Variants in SND1 observed in about 807,000 individuals in gnomAD.
SND1 encodes the protein staphylococcal nuclease domain-containing protein 1.
SND1 carries 38 observed loss-of-function variants against 121.7 expected under a neutral mutation model. That is an observed-to-expected ratio of 0.31 (90% CI 0.24 to 0.41). The LOEUF is 0.41. Among genes scored for constraint, SND1 ranks in the 10% least tolerant of loss-of-function variants. The pLI, the probability that SND1 is intolerant of heterozygous loss-of-function variation, is 1.00. For synonymous variants in SND1, 401 were observed against 447.4 expected (o/e 0.90, Z 1.31); for missense variants, 868 against 1,184.6 (o/e 0.73, Z 3.92).
At chr7:127,923,986 CTT>C (rs60504299) in intron 14 of SND1, among the ~76,000 whole-genome samples, 20 of 147,044 alleles carry the variant, frequency 1.4e-4, no homozygotes, top group South Asian at 2.2e-4. Context: ...GATCTCCACA[CTT>C]TTTTTTTTTT....
At chr7:127,987,030 C>T (rs1407098612) in intron 15 of SND1, among the ~76,000 whole-genome samples, 1 of 152,224 alleles carries the variant, frequency 6.6e-6, no homozygotes, top group South Asian at 2.1e-4. Flanking sequence ...GTTAATATAT[C>T]TTTATCAGCA....
At chr7:127,696,661 C>A (rs779054310) in intron 3 of SND1, among the ~76,000 whole-genome samples, 3 of 152,218 alleles carry the variant, frequency 2.0e-5, no homozygotes, top group African/African-American at 7.2e-5. Flanking sequence ...ATGTAGAGCA[C>A]CCCTAAGAGT....
At chr7:127,846,168 C>CT (rs1395516767) in intron 12 of SND1, among the ~76,000 whole-genome samples, 2 of 152,198 alleles carry the variant, frequency 1.3e-5, no homozygotes, top group Non-Finnish European at 2.9e-5. Context: ...CCTACAATAT[C>CT]TATACTCCAG....
intron 10 of SND1, among the ~76,000 whole-genome samples, chr7:127,781,550 A>G (rs1390130675): frequency 6.6e-6 from 1 of 150,848 alleles, no homozygotes; most frequent in Non-Finnish European, 1.5e-5. Flanking sequence ...GCTCCATAGG[A>G]GTTAAGAAAG....
intron 15 of SND1, among the ~76,000 whole-genome samples, chr7:127,974,206 A>G (rs1010243064): frequency 6.6e-6 from 1 of 152,240 alleles, no homozygotes; most frequent in African/African-American, 2.4e-5. Context: ...TTTAAACCAC[A>G]TCACTCATCC....
At chr7:127,922,917 G>T (rs968942446) in intron 14 of SND1, among the ~76,000 whole-genome samples, 1 of 152,190 alleles carries the variant, frequency 6.6e-6, no homozygotes, top group Non-Finnish European at 1.5e-5. Flanking sequence ...GTTCAACATG[G>T]TGCAGGCCTG....
intron 16 of SND1, among the ~76,000 whole-genome samples, chr7:128,012,762 C>T (rs1803143281): frequency 6.6e-6 from 1 of 152,192 alleles, no homozygotes; most frequent in Non-Finnish European, 1.5e-5. Context: ...GCTCAGGACC[C>T]TAGCTGAGCA....
intron 16 of SND1, among the ~76,000 whole-genome samples, chr7:128,009,442 A>C (rs1469182146): frequency 1.3e-5 from 2 of 152,230 alleles, no homozygotes; most frequent in African/African-American, 4.8e-5. Context: ...CAAGAGATGG[A>C]AAAAGACAAC....
intron 16 of SND1, among the ~76,000 whole-genome samples, chr7:128,033,028 GGCCGGAGTCGCCCCTT>G (rs1342484244): frequency 2.0e-5 from 3 of 152,182 alleles, no homozygotes; most frequent in Non-Finnish European, 4.4e-5. Flanking sequence ...AGTCTTCGCT[GGCCGGAGTCGCCCCTT>G]GCTCCCCGCT....
chr7:127,754,273 A>G (rs928444636), intron 10 of SND1, among the ~76,000 whole-genome samples: 1 of 152,192 alleles, frequency 6.6e-6, no homozygotes, highest in Admixed American at 6.5e-5. Context: ...GTGGGCCATC[A>G]TGCTTTGAGA....
intron 10 of SND1, among the ~76,000 whole-genome samples, chr7:127,773,540 G>GA (rs975150644): frequency 2.5e-4 from 37 of 147,552 alleles, no homozygotes; most frequent in Admixed American, 6.1e-4. Context: ...TTGAAATTAG[G>GA]AAAAAAAAAA....
intron 16 of SND1, among the ~76,000 whole-genome samples, chr7:127,992,723 C>A (rs1355310628): frequency 6.6e-6 from 1 of 152,178 alleles, no homozygotes; most frequent in African/African-American, 2.4e-5. Flanking sequence ...TTCCCAACCA[C>A]CTTTCTTCCT....
intron 10 of SND1, among the ~76,000 whole-genome samples, chr7:127,760,557 T>C (rs1325185085): frequency 6.6e-6 from 1 of 152,252 alleles, no homozygotes; most frequent in African/African-American, 2.4e-5. Context: ...TGAACTTTCC[T>C]AGCTTTGCCT....
At chr7:127,708,021 G>A (rs1796231635) in intron 9 of SND1, among the ~76,000 whole-genome samples, 1 of 152,086 alleles carries the variant, frequency 6.6e-6, no homozygotes, top group South Asian at 2.1e-4. Context: ...TTACAGTGGT[G>A]TGAAAGCAAT....
At chr7:127,797,176 AGCC>A (rs1798043943) in intron 10 of SND1, among the ~76,000 whole-genome samples, 1 of 152,088 alleles carries the variant, frequency 6.6e-6, no homozygotes, top group East Asian at 1.9e-4. Flanking sequence ...TACAGGTGTG[AGCC>A]GCTGTGCCCG....
intron 1 of SND1, among the ~76,000 whole-genome samples, chr7:127,655,346 A>G (rs1174018351): frequency 1.3e-5 from 2 of 152,222 alleles, no homozygotes; most frequent in African/African-American, 4.8e-5. Context: ...CACTTTGACC[A>G]ATTTTTAAAA....
chr7:127,693,695 A>G (rs1345387733), intron 2 of SND1, among the ~76,000 whole-genome samples: 3 of 152,186 alleles, frequency 2.0e-5, no homozygotes, highest in African/African-American at 7.2e-5. Flanking sequence ...ATTATAATAG[A>G]CAATGTATGC....
At chr7:127,732,997 A>G (rs1332797208) in intron 10 of SND1, among the ~76,000 whole-genome samples, 1 of 152,132 alleles carries the variant, frequency 6.6e-6, no homozygotes, top group Non-Finnish European at 1.5e-5. Flanking sequence ...CTTGATGCCT[A>G]TGGAAGGAAT....
intron 15 of SND1, among the ~76,000 whole-genome samples, chr7:127,937,676 T>G (rs1362072164): frequency 3.3e-5 from 5 of 152,360 alleles, no homozygotes; most frequent in Admixed American, 3.3e-4. Flanking sequence ...TCTTTTCCTT[T>G]AAGATCTCTT....
Sources: gnomAD v4.1 joint callset for allele counts (sites outside exome capture counted in the v4.1 genomes callset) on GRCh38, gnomAD v4.1.1 for gene constraint, MANE v1.5 for transcripts, NCBI Gene and HGNC (gene_info 2026-07-23, HGNC 2026-07-21) for gene names.